The following STK39 variants were observed in gnomAD, a reference collection of about 807,000 sequenced individuals.
STK39 encodes serine/threonine kinase 39.
A neutral mutation model predicts 77.8 loss-of-function variants in STK39; 20 were observed. The observed-to-expected ratio is 0.26, with a 90% CI of 0.18 to 0.37. STK39 has a LOEUF of 0.37. Ranked by LOEUF, STK39 falls within the 10% of genes least tolerant of loss-of-function variation. STK39 has a pLI of 1.00. For missense variants in STK39, 479 were observed against 656.5 expected (o/e 0.73, Z 2.95); for synonymous variants, 246 against 234.1 (o/e 1.05, Z -0.47).
chr2:168,017,836 T>C (rs996222871), intron 14 of STK39, among the ~76,000 whole-genome samples: 9 of 152,202 alleles, frequency 5.9e-5, no homozygotes, highest in Admixed American at 1.3e-4. Flanking sequence ...TTAAATCATG[T>C]AGCACAACAC....
At chr2:168,067,341 T>A (rs940918147) in intron 12 of STK39, among the ~76,000 whole-genome samples, 7 of 152,062 alleles carry the variant, frequency 4.6e-5, no homozygotes, top group African/African-American at 1.7e-4. Flanking sequence ...GATAAGTGAG[T>A]TCCCACTCTG....
chr2:168,159,669 C>G (rs1458295313), intron 5 of STK39, among the ~76,000 whole-genome samples: 2 of 152,122 alleles, frequency 1.3e-5, no homozygotes, highest in Admixed American at 6.5e-5. Context: ...GCGACAGTTC[C>G]AGAGATGCAG....
chr2:168,179,059 T>C (rs975083287), intron 2 of STK39, among the ~76,000 whole-genome samples: 12 of 146,300 alleles, frequency 8.2e-5, no homozygotes, highest in Middle Eastern at 3.5e-3. Context: ...TAGTTGATAA[T>C]TGTGATTTCT....
At chr2:168,234,094 C>T (rs1690533230) in intron 1 of STK39, among the ~76,000 whole-genome samples, 2 of 152,188 alleles carry the variant, frequency 1.3e-5, no homozygotes, top group Non-Finnish European at 2.9e-5. Flanking sequence ...CAGGTGATGC[C>T]TGTCTCCTTT....
chr2:168,221,137 C>G (rs1690158420), intron 1 of STK39, among the ~76,000 whole-genome samples: 12 of 152,160 alleles, frequency 7.9e-5, no homozygotes, highest in Admixed American at 7.9e-4. Flanking sequence ...CACTAGGATA[C>G]CTTTGTTCAA....
intron 12 of STK39, 127 bp from the exon 13 acceptor site, chr2:168,065,508 G>T: frequency 1.0e-6 from 1 of 988,360 alleles, no homozygotes; most frequent in African/African-American, 1.6e-5. Flanking sequence ...ATTTACCAAA[G>T]TGTGGCTCTT....
At position 168,247,481 on chromosome 2, in the gene STK39, CT is replaced by C; in HGVS notation, c.-47del. ...GAGGACGCGCCGGCCGACGGACGAC[CT>C]TCCACTTGAAACTTCCTTTGCCTCG... On this transcript the variant is annotated 5_prime_UTR_variant, in exon 1 of 18. Transcript: ENST00000355999. 1 of 1,280,390 alleles carries C rather than the reference CT, an allele frequency of 7.8e-7. No individual in the cohort carries two copies. 79.3% of individuals were successfully genotyped at this position (1,280,390 alleles called of 1,614,324 possible). A position where few individuals can be genotyped will look rare whatever the true frequency, so the allele number is the denominator to read the frequency against.
At chr2:168,156,418 A>G (rs994557659) in intron 5 of STK39, among the ~76,000 whole-genome samples, 1 of 142,538 alleles carries the variant, frequency 7.0e-6, no homozygotes, top group Admixed American at 7.1e-5. Context: ...AGGAAGATAC[A>G]GTCAGATCTA....
intron 5 of STK39, among the ~76,000 whole-genome samples, chr2:168,144,334 C>T (rs1238804281): frequency 6.6e-6 from 1 of 152,024 alleles, no homozygotes; most frequent in Admixed American, 6.6e-5. Context: ...AACAGAGTCT[C>T]GCTCTGTCGC....
At chr2:168,204,127 G>A (rs773469977) in intron 1 of STK39, among the ~76,000 whole-genome samples, 2 of 152,258 alleles carry the variant, frequency 1.3e-5, no homozygotes, top group Non-Finnish European at 2.9e-5. Context: ...AACAACTACA[G>A]GGATTCTGAG....
At chr2:168,133,674 A>G (rs527432439) in intron 8 of STK39, among the ~76,000 whole-genome samples, 1 of 152,276 alleles carries the variant, frequency 6.6e-6, no homozygotes, top group South Asian at 2.1e-4. Context: ...CCTGGCCAAC[A>G]TGGTGAAACC....
chr2:168,141,310 C>T (rs905398956), intron 5 of STK39, among the ~76,000 whole-genome samples: 1 of 152,160 alleles, frequency 6.6e-6, no homozygotes, highest in African/African-American at 2.4e-5. Flanking sequence ...TTTTAAAATA[C>T]TTGCATTATA....
At chr2:168,238,872 G>C (rs918476834) in intron 1 of STK39, among the ~76,000 whole-genome samples, 10 of 152,100 alleles carry the variant, frequency 6.6e-5, no homozygotes, top group African/African-American at 2.4e-4. Context: ...CTTCAACTAA[G>C]AGCTGTTTTG....
chr2:168,151,114 T>G (rs1688269184), intron 5 of STK39, among the ~76,000 whole-genome samples: 1 of 147,010 alleles, frequency 6.8e-6, no homozygotes, highest in African/African-American at 2.6e-5. Flanking sequence ...GTCTAGGCCC[T>G]AGAGAGTCAC....
At chr2:167,983,834 C>T (rs909550773) in intron 16 of STK39, among the ~76,000 whole-genome samples, 2 of 152,162 alleles carry the variant, frequency 1.3e-5, no homozygotes, top group Non-Finnish European at 2.9e-5. Context: ...GCTCCCATCC[C>T]AACTTGAATA....
At chr2:168,211,159 A>G (rs1689880734) in intron 1 of STK39, among the ~76,000 whole-genome samples, 3 of 152,224 alleles carry the variant, frequency 2.0e-5, no homozygotes, top group African/African-American at 7.2e-5. Context: ...TTAATTAGCT[A>G]TAAATCTAGA....
intron 1 of STK39, among the ~76,000 whole-genome samples, chr2:168,196,869 G>C (rs1689482743): frequency 6.6e-6 from 1 of 152,154 alleles, no homozygotes; most frequent in African/African-American, 2.4e-5. Context: ...GAGAGCTCAA[G>C]GGACAAAGAC....
At chr2:167,977,312 G>A (rs2105261420) in intron 16 of STK39, among the ~76,000 whole-genome samples, 1 of 152,248 alleles carries the variant, frequency 6.6e-6, no homozygotes, top group African/African-American at 2.4e-5. Context: ...TATGTTATGG[G>A]AAGTGTCCAA....
chr2:168,129,580 C>G lies in STK39; in HGVS notation c.1050G>C (p.Leu350=). 6.2e-7 allele frequency: 1 copy of G among 1,614,076 alleles called. No homozygotes were observed. Among genetic ancestry groups the G allele is most frequent in the African/African-American group, 1.3e-5 (1 of 75,050 alleles). Residue 350 remains leucine, a synonymous_variant, in exon 10 of 18, where the codon CTG becomes CTC. Transcript: ENST00000355999. Reference sequence around the variant, plus strand: ...GGGCTATGTCTGGTGTTCTTGTAAGCAGCTTCTCAATCAGGTACTCTCTGT... The same window carrying G: ...GGGCTATGTCTGGTGTTCTTGTAAGGAGCTTCTCAATCAGGTACTCTCTGT... ...AKNREYLIEK[L]LTRTPDIAQR...
Sources: gnomAD v4.1 joint callset for allele counts (sites outside exome capture counted in the v4.1 genomes callset) on GRCh38, gnomAD v4.1.1 for gene constraint, MANE v1.5 for transcripts, NCBI Gene and HGNC (gene_info 2026-07-23, HGNC 2026-07-21) for gene names.